CCSER1: variants seen among roughly 807,000 people sequenced by gnomAD.
CCSER1 encodes the protein serine-rich coiled-coil domain-containing protein 1.
CCSER1 carries 41 observed loss-of-function variants against 82.0 expected under a neutral mutation model. That is an observed-to-expected ratio of 0.50 (90% confidence interval 0.39 to 0.65). The LOEUF (loss-of-function observed/expected upper bound fraction) is 0.65. Among genes scored for constraint, CCSER1 ranks in the 30% least tolerant of loss-of-function variants. The pLI is 0.00. For missense variants in CCSER1, 1,119 were observed against 1,064.2 expected, an observed-to-expected ratio of 1.05 and a Z score of -0.72; for synonymous variants, 414 against 383.9, an observed-to-expected ratio of 1.08 and a Z score of -0.92.
chr4:90,713,348 A>G (rs924734100), intron 6 of CCSER1, among the ~76,000 whole-genome samples: 1 of 151,988 alleles, frequency 6.6e-6, no homozygotes, highest in African/African-American at 2.4e-5. Context: ...GTAGTGATGA[A>G]TTCCCTAAGC....
At chr4:90,986,420 G>A (rs1736583378) in intron 9 of CCSER1, among the ~76,000 whole-genome samples, 1 of 151,728 alleles carries the variant, frequency 6.6e-6, no homozygotes, top group South Asian at 2.1e-4. Flanking sequence ...TTTTATAAAT[G>A]AATTTAAAAC....
At chr4:90,776,498 A>G (rs1752910701) in intron 7 of CCSER1, among the ~76,000 whole-genome samples, 1 of 152,212 alleles carries the variant, frequency 6.6e-6, no homozygotes, top group South Asian at 2.1e-4. Flanking sequence ...AGACTTAATT[A>G]ATGTCACCTA....
At chr4:91,510,648 G>A (rs932946015) in intron 10 of CCSER1, among the ~76,000 whole-genome samples, 1 of 152,120 alleles carries the variant, frequency 6.6e-6, no homozygotes, top group African/African-American at 2.4e-5. Flanking sequence ...GTCTGTCCAT[G>A]TCATTTGTTC....
At chr4:91,397,568 T>C (rs1254454177) in intron 10 of CCSER1, among the ~76,000 whole-genome samples, 1 of 152,050 alleles carries the variant, frequency 6.6e-6, no homozygotes, top group Non-Finnish European at 1.5e-5. Context: ...AGTTATTCAC[T>C]GTCAAGCCAT....
intron 1 of CCSER1, among the ~76,000 whole-genome samples, chr4:90,195,805 A>G (rs1736484318): frequency 6.6e-6 from 1 of 152,144 alleles, no homozygotes; most frequent in Admixed American, 6.6e-5. Context: ...AGTCTAAGGC[A>G]ATGAGGATGT....
intron 8 of CCSER1, among the ~76,000 whole-genome samples, chr4:90,865,476 T>C (rs1032640378): frequency 5.9e-5 from 9 of 152,004 alleles, no homozygotes; most frequent in African/African-American, 1.9e-4. Flanking sequence ...AATGTCTACC[T>C]TCCAGCTGTC....
At chr4:90,992,295 A>G (rs771368346) in intron 9 of CCSER1, among the ~76,000 whole-genome samples, 7 of 152,050 alleles carry the variant, frequency 4.6e-5, no homozygotes, top group Non-Finnish European at 1.0e-4. Flanking sequence ...TCGAGTGGGA[A>G]TTCTATTATT....
chr4:90,582,095 T>C (rs1391499818), intron 5 of CCSER1, among the ~76,000 whole-genome samples: 1 of 152,164 alleles, frequency 6.6e-6, no homozygotes, highest in Non-Finnish European at 1.5e-5. Flanking sequence ...ATCTGAATAA[T>C]ATTACTACTG....
At chr4:90,301,185 A>G (rs1172203716) in intron 1 of CCSER1, among the ~76,000 whole-genome samples, 1 of 152,108 alleles carries the variant, frequency 6.6e-6, no homozygotes, top group Non-Finnish European at 1.5e-5. Flanking sequence ...TTTTAGTCCA[A>G]CTTTAAGTAG....
chr4:91,303,797 A>AAAAC (rs946272408), intron 10 of CCSER1, among the ~76,000 whole-genome samples: 1 of 151,994 alleles, frequency 6.6e-6, no homozygotes, highest in Admixed American at 6.6e-5. Flanking sequence ...CCTGTCTCCA[A>AAAAC]AAACAAACAA....
intron 8 of CCSER1, among the ~76,000 whole-genome samples, chr4:90,900,349 T>A (rs922520344): frequency 4.6e-5 from 7 of 151,990 alleles, no homozygotes; most frequent in Admixed American, 4.6e-4. Flanking sequence ...TACTGAAATC[T>A]ATTTTTCTTG....
At chr4:91,060,707 G>A (rs569867019) in intron 9 of CCSER1, among the ~76,000 whole-genome samples, 9 of 152,124 alleles carry the variant, frequency 5.9e-5, no homozygotes, top group African/African-American at 2.2e-4. Context: ...GCTAGGCCCT[G>A]TGTCCTCATC....
At chr4:90,501,086 G>A (rs1276662683) in intron 5 of CCSER1, among the ~76,000 whole-genome samples, 1 of 152,020 alleles carries the variant, frequency 6.6e-6, no homozygotes, top group Non-Finnish European at 1.5e-5. Context: ...ATTCTAGAAA[G>A]TAATATAGAA....
intron 8 of CCSER1, among the ~76,000 whole-genome samples, chr4:90,915,930 TA>T (rs1012690816): frequency 1.3e-5 from 2 of 151,992 alleles, no homozygotes; most frequent in Non-Finnish European, 2.9e-5. Flanking sequence ...TCAAAGAGAA[TA>T]AAATACCTAG....
intron 10 of CCSER1, among the ~76,000 whole-genome samples, chr4:91,357,298 T>G (rs1748911175): frequency 6.6e-6 from 1 of 152,182 alleles, no homozygotes; most frequent in Non-Finnish European, 1.5e-5. Context: ...AATAAAGCCT[T>G]GTAGACATAT....
chr4:90,669,658 G>C (rs887681272), intron 6 of CCSER1, among the ~76,000 whole-genome samples: 1 of 152,034 alleles, frequency 6.6e-6, no homozygotes, highest in African/African-American at 2.4e-5. Flanking sequence ...TAAGTTTTAG[G>C]AGTCGTTGAC....
At chr4:90,234,500 A>G (rs1421162613) in intron 1 of CCSER1, among the ~76,000 whole-genome samples, 1 of 152,148 alleles carries the variant, frequency 6.6e-6, no homozygotes, top group African/African-American at 2.4e-5. Context: ...TACAGGCTTG[A>G]GCGACTGCGC....
chr4:90,253,568 G>A (rs1007316052), intron 1 of CCSER1, among the ~76,000 whole-genome samples: 3 of 152,130 alleles, frequency 2.0e-5, no homozygotes, highest in Non-Finnish European at 1.5e-5. Context: ...TGTTATTGGG[G>A]TTCCTTAATA....
chr4:90,604,044 C>G (rs988219882), intron 5 of CCSER1, among the ~76,000 whole-genome samples: 3 of 152,006 alleles, frequency 2.0e-5, no homozygotes, highest in Non-Finnish European at 4.4e-5. Context: ...CTTATGCCAG[C>G]AGCTTGTACA....
Sources: allele counts gnomAD v4.1 joint callset (sites outside exome capture counted in the v4.1 genomes callset), GRCh38; gene constraint gnomAD v4.1.1; transcripts MANE v1.5; gene names NCBI Gene and HGNC (gene_info 2026-07-23, HGNC 2026-07-21).